The following NDEL1 variants were observed in gnomAD, a reference collection of about 807,000 sequenced individuals.
The protein encoded by NDEL1 is nuclear distribution protein nudE-like 1.
In NDEL1, 9 loss-of-function variants were observed where a neutral mutation model predicts 45.7. The observed-to-expected ratio is 0.20, with a 90% CI of 0.12 to 0.34. The LOEUF is 0.34. Ranked by LOEUF, NDEL1 falls within the 10% of genes least tolerant of loss-of-function variation. The probability of loss-of-function intolerance (pLI) is 1.00; values close to 1 mark genes in which losing one functional copy is unlikely to be tolerated. For synonymous variants in NDEL1, 133 were observed against 158.6 expected, an observed-to-expected ratio of 0.84 and a Z score of 1.21; for missense variants, 306 against 406.2, an observed-to-expected ratio of 0.75 and a Z score of 2.12.
rs540970552 is a variant in NDEL1, at chr17:8,441,703, T to C, written c.-12-2557T>C. ...CACTTGTGCTCTATGCTATCTGTTC[T>C]ATGGGATTCCTTATTTTTCTTGGTG... On this transcript the variant is annotated intron_variant, in intron 1 of 8. Transcript: ENST00000334527. Among the ~76,000 whole-genome samples the C allele has an allele frequency of 5.3e-5, 8 of 152,318 alleles. No individual in the cohort carries two copies. In the South Asian group the frequency reaches 1.4e-3, roughly 28 times the overall value.
chr17:8,467,334 C>G lies in NDEL1; in HGVS notation c.*311C>G. ...GATGCAGAAGTACCCATTCATCACA[C>G]CTGCCCCATAGCCCCCACTCTGCTG... On this transcript the variant is annotated 3_prime_UTR_variant, in exon 9 of 9. Transcript: ENST00000334527. The surrounding 1 kb of genome is among the most constrained non-coding windows in gnomAD (Gnocchi z 6.3). 3.7e-6 allele frequency: 2 copies of G among 545,334 alleles called. No individual in the cohort carries two copies. Among genetic ancestry groups the G allele is most frequent in the Non-Finnish European group, 6.5e-6 (2 of 310,064 alleles). 33.8% of individuals were successfully genotyped at this position (545,334 alleles called of 1,614,324 possible).
intron 7 of NDEL1, among the ~76,000 whole-genome samples, chr17:8,458,641 TCTTC>T (rs1339833461): frequency 6.6e-6 from 1 of 152,226 alleles, no homozygotes; most frequent in African/African-American, 2.4e-5. Flanking sequence ...TCATTACCTC[TCTTC>T]CTTTTTTCTG....
downstream of NDEL1, among the ~76,000 whole-genome samples, chr17:8,472,588 C>T (rs897219684): frequency 3.3e-5 from 5 of 152,062 alleles, no homozygotes; most frequent in Non-Finnish European, 4.4e-5. Context: ...GGCTTGAACC[C>T]GGAGGTGGAG....
intron 6 of NDEL1, among the ~76,000 whole-genome samples, chr17:8,452,360 G>A (rs551205193): frequency 1.9e-4 from 29 of 152,278 alleles, no homozygotes; most frequent in Admixed American, 3.3e-4. Context: ...TTAATAGCCC[G>A]TTAGAGTTTT....
upstream of NDEL1, among the ~76,000 whole-genome samples, chr17:8,433,099 CAAA>C (rs552822111): frequency 7.4e-6 from 1 of 135,912 alleles, no homozygotes. Context: ...TACAATTCTT[CAAA>C]AAAAAAAAAA....
At chr17:8,450,150 G>A (rs546747357) in intron 5 of NDEL1, among the ~76,000 whole-genome samples, 21 of 152,090 alleles carry the variant, frequency 1.4e-4, no homozygotes, top group African/African-American at 4.3e-4. Context: ...TTAGCTGGGT[G>A]TGGTGGCGGG....
At chr17:8,430,016 G>A (rs1390709804) in intron 1 of NDEL1, among the ~76,000 whole-genome samples, 2 of 152,180 alleles carry the variant, frequency 1.3e-5, no homozygotes, top group Non-Finnish European at 2.9e-5. Flanking sequence ...TTGGGCTTTG[G>A]TGACCACATG....
chr17:8,445,281 C>T (rs1910009373), intron 2 of NDEL1, among the ~76,000 whole-genome samples: 1 of 152,056 alleles, frequency 6.6e-6, no homozygotes, highest in Non-Finnish European at 1.5e-5. Flanking sequence ...GTAATAACTA[C>T]CTAATTTTGA....
chr17:8,443,198 C>T (rs1909872456), intron 1 of NDEL1, among the ~76,000 whole-genome samples: 1 of 152,154 alleles, frequency 6.6e-6, no homozygotes, highest in Non-Finnish European at 1.5e-5. Flanking sequence ...AGGCATTGGG[C>T]TGAGACGGAA....
chr17:8,450,412 C>G (rs140292796), intron 5 of NDEL1, among the ~76,000 whole-genome samples: 1 of 151,946 alleles, frequency 6.6e-6, no homozygotes, highest in African/African-American at 2.4e-5. Flanking sequence ...TTTAAAATTA[C>G]AAAAATGCAC....
At chr17:8,459,051 AG>A (rs1911033312) in intron 7 of NDEL1, among the ~76,000 whole-genome samples, 1 of 152,166 alleles carries the variant, frequency 6.6e-6, no homozygotes, top group African/African-American at 2.4e-5. Flanking sequence ...GTTTCTGAAT[AG>A]CTGTTATTGA....
Position 8,448,598 on chromosome 17 carries a change from C to A in NDEL1, c.438C>A (p.Ala146=). The A allele has an allele frequency of 1.2e-6, 2 of 1,614,110 alleles. No homozygotes were observed. The highest frequency in any genetic ancestry group is 1.7e-6 in the Non-Finnish European group (2 of 1,179,992). Residue 146 remains alanine, a synonymous_variant, in exon 5 of 9, where the codon GCC becomes GCA. Coordinates refer to ENST00000334527, the MANE Select transcript of NDEL1 (RefSeq NM_030808.5). The part of the protein sequence containing the change: ...LEDFEQRLNQ[A]IERNAFLESE... ...ACTTTGAACAAAGGCTAAACCAGGC[C>A]ATTGAACGAAATGCATTTTTAGAAA...
intron 5 of NDEL1, among the ~76,000 whole-genome samples, chr17:8,449,327 G>A (rs1053827932): frequency 1.3e-5 from 2 of 152,132 alleles, no homozygotes. Flanking sequence ...GACAGTCTCA[G>A]TATGTTGGCC....
At chr17:8,464,571 C>G (rs1911452125) in intron 8 of NDEL1, 1 of 152,204 alleles carries the variant, frequency 6.6e-6, no homozygotes, top group Non-Finnish European at 1.5e-5. Context: ...CCTCTCTACT[C>G]CACCCACCTT....
intron 1 of NDEL1, among the ~76,000 whole-genome samples, chr17:8,413,872 T>C (rs1236310732): frequency 6.6e-6 from 1 of 152,242 alleles, no homozygotes; most frequent in African/African-American, 2.4e-5. Context: ...TTACTTTTAT[T>C]TCATTTTGTA....
chr17:8,451,075 T>A, intron 6 of NDEL1, 122 bp downstream of exon 6: 1 of 828,878 alleles, frequency 1.2e-6, no homozygotes. Context: ...TGAAGTCTAG[T>A]GCTATGTGAA....
At position 8,467,357 on chromosome 17, in the gene NDEL1, C is replaced by T; in HGVS notation, c.*334C>T. ...CACCTGCCCCATAGCCCCCACTCTG[C>T]TGTACTGATAGGATTTAGTTGTGTT... is the stretch of plus-strand genomic sequence containing the variant. On this transcript the variant is annotated 3_prime_UTR_variant, in exon 9 of 9. Coordinates refer to ENST00000334527, the MANE Select transcript of NDEL1 (RefSeq NM_030808.5). The surrounding 1 kb of genome is among the most constrained non-coding windows in gnomAD (Gnocchi z 6.3). The T allele has an allele frequency of 2.0e-6, 1 of 497,020 alleles. No homozygotes were observed. Among genetic ancestry groups the T allele is most frequent in the Non-Finnish European group, 3.5e-6 (1 of 284,292 alleles). The allele number at this position is 497,020 out of a possible 1,614,324, so 30.8% of individuals were successfully genotyped here.
At chr17:8,428,331 T>TGTGGTGG (rs1908895300) in intron 1 of NDEL1, among the ~76,000 whole-genome samples, 2 of 40,008 alleles carry the variant, frequency 5.0e-5, no homozygotes, top group Non-Finnish European at 1.1e-4. Flanking sequence ...GTGGTGTGTG[T>TGTGGTGG]GTGTGTGTGT....
intron 8 of NDEL1, chr17:8,463,436 TTACTAAC>T (rs1348639747): frequency 8.2e-5 from 112 of 1,368,948 alleles, no homozygotes; most frequent in Non-Finnish European, 1.1e-4. Context: ...CAATCTGGTT[TTACTAAC>T]TGCATGGGGC....
Sources: gnomAD v4.1 joint callset for allele counts (sites outside exome capture counted in the v4.1 genomes callset) on GRCh38, gnomAD v4.1.1 for gene constraint, Gnocchi (gnomAD v3.1) non-coding constraint, MANE v1.5 for transcripts, NCBI Gene and HGNC (gene_info 2026-07-23, HGNC 2026-07-21) for gene names.